MON2: variants seen among roughly 807,000 people sequenced by gnomAD.
MON2 encodes MON2 regulator of endosome-to-Golgi trafficking.
In MON2, 84 loss-of-function variants were observed where a neutral mutation model predicts 208.6. That is an observed-to-expected ratio of 0.40 (90% CI 0.34 to 0.48). The LOEUF is 0.48. MON2 is among the 20% of genes least tolerant of loss of function. The pLI is 0.59. For synonymous variants in MON2, 660 were observed against 694.0 expected (o/e 0.95, Z 0.77); for missense variants, 1,611 against 2,015.4 (o/e 0.80, Z 3.84).
At chr12:62,571,700 G>A in intron 30 of MON2, 118 bp downstream of exon 30, 1 of 849,012 alleles carries the variant, frequency 1.2e-6, no homozygotes, top group Non-Finnish European at 1.7e-6. Flanking sequence ...TTGCTAGATT[G>A]TATTAAAAAC....
intron 32 of MON2, among the ~76,000 whole-genome samples, chr12:62,584,522 T>G (rs1417682719): frequency 6.6e-6 from 1 of 151,828 alleles, no homozygotes; most frequent in Non-Finnish European, 1.5e-5. Context: ...GCTAACACAG[T>G]GAAACACTGT....
In MON2 at chr12:62,535,671, T is replaced by C. The variant is rs199641023; in HGVS notation, c.1862T>C (p.Val621Ala). ...GSLPPHYALT[V>A]LNTTTAATLS... ...CTGCCTCCCCATTATGCTCTTACTG[T>C]ATTGAATACCACCACTGCAGCTACA... Residue 621 changes from valine to alanine, a missense_variant, in exon 14 of 35, where the codon GTA becomes GCA. Val to Ala is a moderately conservative substitution (Grantham distance 64). Coordinates refer to ENST00000393630, the MANE Select transcript of MON2 (RefSeq NM_015026.3). 5.6e-5 allele frequency: 90 copies of C among 1,612,398 alleles called. No individual in the cohort carries two copies. The highest frequency in any genetic ancestry group is 6.1e-5 in the Non-Finnish European group (72 of 1,179,494).
intron 3 of MON2, among the ~76,000 whole-genome samples, chr12:62,494,688 T>G (rs900392906): frequency 6.6e-6 from 1 of 152,220 alleles, no homozygotes; most frequent in African/African-American, 2.4e-5. Context: ...ATAGCTAATT[T>G]GCATATGTCC....
At position 62,501,488 on chromosome 12, in the gene MON2, G is replaced by GAT. The variant is rs2070830182; in HGVS notation, c.664-84_664-83dup. On this transcript the variant is annotated intron_variant, in intron 6 of 34. Coordinates refer to ENST00000393630, the MANE Select transcript of MON2 (RefSeq NM_015026.3). ...AAAACATGTATTATATAAGAAGATAGATTTTTTTTAAAGATTTATGAACTG... is the reference window on the plus strand; with the variant it reads ...AAAACATGTATTATATAAGAAGATAGATATTTTTTTTAAAGATTTATGAACTG... The GAT allele has an allele frequency of 5.4e-6, 8 of 1,494,536 alleles. No homozygotes were observed. In the Admixed American group the frequency reaches 1.2e-4, roughly 22 times the overall value. The allele number at this position is 1,494,536 out of a possible 1,614,324, so 92.6% of individuals were successfully genotyped here.
chr12:62,547,752 G>T (rs1379517957), intron 22 of MON2, among the ~76,000 whole-genome samples: 2 of 152,124 alleles, frequency 1.3e-5, no homozygotes, highest in African/African-American at 4.8e-5. Context: ...TCTATGTTTA[G>T]ATATGTTTCG....
Position 62,578,339 on chromosome 12 carries a change from T to C in MON2, c.4515-106T>C, listed in dbSNP as rs887543761. ...TTAAATAAATAATAATGCCCCAACC[T>C]GGGTTGGAAGACATAATTTTTTGAC... On this transcript the variant is annotated intron_variant, in intron 30 of 34. Transcript: ENST00000393630. The C allele has an allele frequency of 1.7e-5, 12 of 706,000 alleles. No homozygotes were observed. In the African/African-American group the frequency reaches 2.1e-4, roughly 12 times the overall value. 43.7% of individuals were successfully genotyped at this position (706,000 alleles called of 1,614,324 possible).
At chr12:62,499,955 AT>A (rs1304286343) in intron 5 of MON2, among the ~76,000 whole-genome samples, 1 of 151,678 alleles carries the variant, frequency 6.6e-6, no homozygotes, top group Non-Finnish European at 1.5e-5. Flanking sequence ...TTTTTTCTTT[AT>A]TTTTTCTTGG....
chr12:62,488,195 G>A (rs1051568218), intron 2 of MON2, among the ~76,000 whole-genome samples: 1 of 152,108 alleles, frequency 6.6e-6, no homozygotes, highest in African/African-American at 2.4e-5. Context: ...AAATGAAGGA[G>A]ACTGACCCTC....
At position 62,566,390 on chromosome 12, in the gene MON2, C is replaced by T; in HGVS notation, c.4263C>T (p.Tyr1421=). The T allele has an allele frequency of 6.2e-7, 1 of 1,613,302 alleles. No homozygotes were observed. Among genetic ancestry groups the T allele is most frequent in the Non-Finnish European group, 8.5e-7 (1 of 1,179,646 alleles). ...ERSLEVVVDL[Y]QKTACHKAVV... ...CTTTAGAAGTAGTTGTGGATTTATACCAAAAAACAGCGTGTCACAAAGCAG... is the reference window on the plus strand; with the variant it reads ...CTTTAGAAGTAGTTGTGGATTTATATCAAAAAACAGCGTGTCACAAAGCAG... The change falls in exon 29 of 35, where the codon TAC becomes TAT. Residue 1421 remains tyrosine, a synonymous_variant. Coordinates refer to ENST00000393630, the MANE Select transcript of MON2 (RefSeq NM_015026.3).
At chr12:62,558,766 C>T (rs1426791378) in intron 25 of MON2, among the ~76,000 whole-genome samples, 1 of 146,464 alleles carries the variant, frequency 6.8e-6, no homozygotes, top group East Asian at 2.0e-4. Context: ...GGTGTGATCT[C>T]GGCTCACTGA....
chr12:62,590,706 A>G (rs60685007), intron 34 of MON2, among the ~76,000 whole-genome samples: 5,389 of 152,176 alleles, frequency 0.035, 333 homozygotes, highest in African/African-American at 0.12. Context: ...ATTTAGACAG[A>G]GTCTTGTTCT....
chr12:62,516,951 C>T (rs1307992026), intron 8 of MON2, among the ~76,000 whole-genome samples: 1 of 151,978 alleles, frequency 6.6e-6, no homozygotes, highest in African/African-American at 2.4e-5. Flanking sequence ...TAATATCAGT[C>T]ACCATGGAAA....
chr12:62,572,023 C>CT (rs2074612548), intron 30 of MON2, among the ~76,000 whole-genome samples: 1 of 152,146 alleles, frequency 6.6e-6, no homozygotes, highest in Non-Finnish European at 1.5e-5. Context: ...TGTATGGTAT[C>CT]TAATTTAAAG....
chr12:62,470,607 TTAA>T, intron 1 of MON2: 1 of 403,292 alleles, frequency 2.5e-6, no homozygotes, highest in Non-Finnish European at 3.5e-6. Context: ...TTCTATGTGA[TTAA>T]TATTCAGTGG....
chr12:62,526,164 A>G, intron 11 of MON2, 62 bp downstream of exon 11: 1 of 1,483,560 alleles, frequency 6.7e-7, no homozygotes, highest in Non-Finnish European at 9.3e-7. Context: ...TTTAACCTAA[A>G]ATTCTTCTCT....
intron 34 of MON2, among the ~76,000 whole-genome samples, chr12:62,591,501 A>T (rs952696531): frequency 1.3e-5 from 2 of 152,234 alleles, no homozygotes; most frequent in African/African-American, 4.8e-5. Flanking sequence ...CACTGGGTTA[A>T]AGTTAAATTT....
intron 23 of MON2, among the ~76,000 whole-genome samples, chr12:62,550,045 G>A (rs554253258): frequency 2.2e-4 from 33 of 152,180 alleles, no homozygotes; most frequent in African/African-American, 6.5e-4. Flanking sequence ...CTGAAGTTTG[G>A]GTTTTACAGG....
chr12:62,598,534 C>G lies in MON2; in HGVS notation c.*5785C>G, dbSNP rs534692085. On this transcript the variant is annotated 3_prime_UTR_variant, in exon 35 of 35. Coordinates refer to ENST00000393630, the MANE Select transcript of MON2 (RefSeq NM_015026.3). Reference sequence around the variant, plus strand: ...TGCAAATTTCATTTGCTTTCCATCTCTTACTACTACCTCTGTGTCATAATT... The same window carrying G: ...TGCAAATTTCATTTGCTTTCCATCTGTTACTACTACCTCTGTGTCATAATT... 1.3e-5 allele frequency: 2 copies of G among 152,280 alleles called. No homozygotes were observed. Among genetic ancestry groups the G allele is most frequent in the East Asian group, 3.9e-4 (2 of 5,182 alleles). 9.4% of individuals were successfully genotyped at this position (152,280 alleles called of 1,614,324 possible).
chr12:62,564,493 G>T (rs529705845), intron 26 of MON2, among the ~76,000 whole-genome samples: 15 of 151,138 alleles, frequency 9.9e-5, no homozygotes, highest in African/African-American at 2.9e-4. Flanking sequence ...AAAATTTGTG[G>T]CTAGAAAAAA....
Sources: gnomAD v4.1 joint callset for allele counts (sites outside exome capture counted in the v4.1 genomes callset) on GRCh38, gnomAD v4.1.1 for gene constraint, MANE v1.5 for transcripts, NCBI Gene and HGNC (gene_info 2026-07-23, HGNC 2026-07-21) for gene names.